The following ANKRD36 variants were observed in gnomAD, a reference collection of about 807,000 sequenced individuals.
ANKRD36 encodes ankyrin repeat domain-containing protein 36A.
In ANKRD36, 179 loss-of-function variants were observed where a neutral mutation model predicts 278.1. That is an observed-to-expected ratio of 0.64 (90% CI 0.57 to 0.73). The LOEUF (loss-of-function observed/expected upper bound fraction) is 0.73. Ranked by LOEUF, ANKRD36 falls within the 30% of genes least tolerant of loss-of-function variation. The pLI, the probability that ANKRD36 is intolerant of heterozygous loss-of-function variation, is 0.00. For synonymous variants in ANKRD36, 320 were observed against 641.1 expected (o/e 0.50, Z 7.57); for missense variants, 1,159 against 1,956.7 (o/e 0.59, Z 7.69).
At chr2:97,206,570 A>G (rs548090107) in intron 52 of ANKRD36, among the ~76,000 whole-genome samples, 1 of 151,630 alleles carries the variant, frequency 6.6e-6, no homozygotes, top group East Asian at 2.0e-4. Context: ...TGGTGTAGCA[A>G]TCACTTTCCC....
chr2:97,153,861 A>G (rs1311146205), intron 14 of ANKRD36, among the ~76,000 whole-genome samples: 1 of 146,878 alleles, frequency 6.8e-6, no homozygotes, highest in Non-Finnish European at 1.5e-5. Flanking sequence ...TTAGATAGTG[A>G]TGAATGAAAT....
At chr2:97,130,777 T>C (rs1040835669) in intron 6 of ANKRD36, among the ~76,000 whole-genome samples, 3 of 152,110 alleles carry the variant, frequency 2.0e-5, no homozygotes, top group Non-Finnish European at 4.4e-5. Context: ...TGTTTTCTTT[T>C]TTAATTTCAC....
chr2:97,134,387 C>T (rs2923970), intron 6 of ANKRD36, among the ~76,000 whole-genome samples: 4 of 152,068 alleles, frequency 2.6e-5, no homozygotes, highest in African/African-American at 7.2e-5. Flanking sequence ...GATCATCCTT[C>T]TCTGTGAGAT....
At chr2:97,212,935 C>T (rs569975355) in intron 58 of ANKRD36, 7 of 292,632 alleles carry the variant, frequency 2.4e-5, no homozygotes, top group Admixed American at 5.0e-5. Context: ...GTGAAGTGTA[C>T]GTTCAACTGA....
chr2:97,144,151 C>T (rs1253602484), intron 8 of ANKRD36, among the ~76,000 whole-genome samples: 1 of 152,128 alleles, frequency 6.6e-6, no homozygotes, highest in African/African-American at 2.4e-5. Context: ...GAAAAACATG[C>T]AGGAGCATTA....
intron 67 of ANKRD36, among the ~76,000 whole-genome samples, chr2:97,226,275 C>T (rs1333016983): frequency 6.6e-6 from 1 of 152,066 alleles, no homozygotes; most frequent in Non-Finnish European, 1.5e-5. Context: ...TCCACATCCT[C>T]TCCAGCACCT....
In ANKRD36 at chr2:97,146,407, C is replaced by G. The variant is rs867426416; in HGVS notation, c.1004-79C>G. 5 of 1,199,454 alleles carry G rather than the reference C, an allele frequency of 4.2e-6. No homozygotes were observed. The African/African-American group carries it at 6.1e-5, about 15-fold the overall frequency. 74.3% of individuals were successfully genotyped at this position (1,199,454 alleles called of 1,614,324 possible). A position where few individuals can be genotyped will look rare whatever the true frequency, so the allele number is the denominator to read the frequency against. ...AGTAGCTGAGATTATAGGAACAAGT[C>G]ACTGTGCTCTTTTATGTTTTTAATA... On this transcript the variant is annotated intron_variant, in intron 10 of 75. Coordinates refer to ENST00000420699, the MANE Select transcript of ANKRD36 (RefSeq NM_001354587.1).
At chr2:97,192,200 A>G (rs1365540175) in intron 36 of ANKRD36, among the ~76,000 whole-genome samples, 1 of 151,772 alleles carries the variant, frequency 6.6e-6, no homozygotes, top group Non-Finnish European at 1.5e-5. Context: ...CTGTGGTGCC[A>G]TGAGTGGATG....
chr2:97,194,394 C>G (rs1258903431), intron 38 of ANKRD36, among the ~76,000 whole-genome samples: 4 of 151,622 alleles, frequency 2.6e-5, no homozygotes, highest in Admixed American at 6.6e-5. Context: ...GACATTGATT[C>G]TCAGGTGTGT....
chr2:97,232,502 A>G (rs2072513737), intron 67 of ANKRD36, among the ~76,000 whole-genome samples: 1 of 129,748 alleles, frequency 7.7e-6, no homozygotes, highest in African/African-American at 3.4e-5. Context: ...AAGAGCAACT[A>G]CATAATAACT....
rs1038251836 is a variant in ANKRD36 at position 97,174,487 on chromosome 2, C to T, written c.1634-5251C>T. 6.6e-5 allele frequency among the ~76,000 whole-genome samples: 10 copies of T among 151,674 alleles called. No individual in the cohort carries two copies. In the South Asian group the frequency reaches 8.4e-4, roughly 13 times the overall value. ...ACATTGGTTATTCAAATGAGATAAA[C>T]GTGAATATGCATACATTGGCTTTGT... On this transcript the variant is annotated intron_variant, in intron 22 of 75. Transcript: ENST00000420699.
In ANKRD36 at chr2:97,189,487, T is replaced by G. The variant is rs755319359; in HGVS notation, c.2245+197T>G. On this transcript the variant is annotated intron_variant, in intron 34 of 75. Transcript: ENST00000420699. ...CTGGCTTGGAACGTGATCTTCGCAG[T>G]AAGATTATACACTTCCCCACATTGA... 3.4e-5 allele frequency among the ~76,000 whole-genome samples: 3 copies of G among 88,114 alleles called. No individual in the cohort carries two copies. In the East Asian group the frequency reaches 6.7e-4, roughly 20 times the overall value. 57.8% of individuals were successfully genotyped at this position (88,114 alleles called of 152,430 possible).
chr2:97,122,806 G>A, intron 3 of ANKRD36, 81 bp from the exon 4 acceptor site: 3 of 1,320,628 alleles, frequency 2.3e-6, no homozygotes, highest in Middle Eastern at 1.9e-4. Context: ...GAAGCTCACA[G>A]GATCTTACTT....
In ANKRD36 at chr2:97,225,164, A is replaced by G. The variant is rs536289388; in HGVS notation, c.3951+285A>G. ...TTCCTATTATAATAAAGAAGGTAACATCAAATATTGAATTACAATTTTAAG... is the reference window on the plus strand; with the variant it reads ...TTCCTATTATAATAAAGAAGGTAACGTCAAATATTGAATTACAATTTTAAG... On this transcript the variant is annotated intron_variant, in intron 67 of 75. Transcript: ENST00000420699. Among the ~76,000 whole-genome samples, 108 of 151,804 alleles carry G rather than the reference A, an allele frequency of 7.1e-4. 4 individuals carry two copies. The South Asian group carries it at 0.022, about 31-fold the overall frequency.
At chr2:97,164,817 G>C (rs1339545258) in intron 20 of ANKRD36, among the ~76,000 whole-genome samples, 1 of 152,234 alleles carries the variant, frequency 6.6e-6, no homozygotes. Flanking sequence ...TCTTCATCTA[G>C]AGAAAAGCTA....
In ANKRD36 at chr2:97,175,637, T is replaced by C. The variant is rs539334598; in HGVS notation, c.1634-4101T>C. Among the ~76,000 whole-genome samples, 101 of 151,894 alleles carry C rather than the reference T, an allele frequency of 6.6e-4. 2 individuals are homozygous for C. Among genetic ancestry groups the C allele is most frequent in the South Asian group, 1.5e-3 (7 of 4,764 alleles). On this transcript the variant is annotated intron_variant, in intron 22 of 75. Transcript: ENST00000420699. ...GTCTCTATTTCCTTCAGTTCTGCTC[T>C]GATTTCAGTTATTTCTTGCCTTCTG...
At chr2:97,136,825 G>A (rs2041632560) in intron 6 of ANKRD36, among the ~76,000 whole-genome samples, 1 of 151,940 alleles carries the variant, frequency 6.6e-6, no homozygotes, top group Non-Finnish European at 1.5e-5. Context: ...TCATTATATT[G>A]ATTCTACTAA....
chr2:97,200,706 G>GT (rs2061129284), intron 46 of ANKRD36, among the ~76,000 whole-genome samples, 181 bp downstream of exon 46: 1 of 151,888 alleles, frequency 6.6e-6, no homozygotes, highest in Non-Finnish European at 1.5e-5. Context: ...GATCTTCGCT[G>GT]TAAGATTATA....
intron 6 of ANKRD36, among the ~76,000 whole-genome samples, chr2:97,129,061 G>C (rs1043971866): frequency 1.3e-5 from 2 of 151,994 alleles, no homozygotes; most frequent in African/African-American, 2.4e-5. Context: ...CTTCCACAAT[G>C]GTTGAACTAG....
Sources: allele counts gnomAD v4.1 joint callset (sites outside exome capture counted in the v4.1 genomes callset), GRCh38; gene constraint gnomAD v4.1.1; transcripts MANE v1.5; gene names NCBI Gene and HGNC (gene_info 2026-07-23, HGNC 2026-07-21).